Variants in SMC6 observed in about 807,000 individuals in gnomAD.
SMC6 encodes the protein structural maintenance of chromosomes protein 6.
In SMC6, 79 loss-of-function variants were observed where a neutral mutation model predicts 142.2. The observed-to-expected ratio is 0.56, with a 90% confidence interval of 0.46 to 0.67. SMC6 has a LOEUF of 0.67. Ranked by LOEUF, SMC6 falls within the 30% of genes least tolerant of loss-of-function variation. SMC6 has a pLI of 0.00. For missense variants in SMC6, 1,072 were observed against 1,284.0 expected, an observed-to-expected ratio of 0.83 and a Z score of 2.52; for synonymous variants, 411 against 412.4, an observed-to-expected ratio of 1.00 and a Z score of 0.04.
At chr2:17,704,773 A>C (rs1405160420) in intron 18 of SMC6, among the ~76,000 whole-genome samples, 3 of 152,108 alleles carry the variant, frequency 2.0e-5, no homozygotes, top group Non-Finnish European at 4.4e-5. Flanking sequence ...TTTAAATTAC[A>C]AAAAAAGGCT....
At chr2:17,748,307 T>A (rs1670856924) in intron 2 of SMC6, among the ~76,000 whole-genome samples, 1 of 152,190 alleles carries the variant, frequency 6.6e-6, no homozygotes, top group Non-Finnish European at 1.5e-5. Context: ...CACATGCACA[T>A]TAGAGTTGAA....
At chr2:17,707,997 T>TACAC (rs10540609) in intron 17 of SMC6, among the ~76,000 whole-genome samples, 41 of 148,612 alleles carry the variant, frequency 2.8e-4, no homozygotes, top group East Asian at 1.2e-3. Flanking sequence ...TGTATATATA[T>TACAC]ACACACACAC....
intron 16 of SMC6, among the ~76,000 whole-genome samples, chr2:17,714,302 C>A (rs1284100310): frequency 6.6e-6 from 1 of 151,954 alleles, no homozygotes; most frequent in East Asian, 1.9e-4. Flanking sequence ...CCAAGTTGCC[C>A]AGGCTCGTCT....
intron 23 of SMC6, among the ~76,000 whole-genome samples, chr2:17,692,237 C>T (rs957849772): frequency 3.9e-5 from 6 of 152,042 alleles, no homozygotes; most frequent in African/African-American, 1.2e-4. Context: ...AAAAAGAGCC[C>T]GCGTTGCCAA....
At chr2:17,684,631 T>C (rs913350767) in intron 23 of SMC6, among the ~76,000 whole-genome samples, 3 of 152,010 alleles carry the variant, frequency 2.0e-5, no homozygotes, top group Non-Finnish European at 4.4e-5. Context: ...AGAGACCAGC[T>C]TGGACAATAT....
At chr2:17,737,631 C>A (rs1670221443) in intron 5 of SMC6, among the ~76,000 whole-genome samples, 1 of 152,004 alleles carries the variant, frequency 6.6e-6, no homozygotes. Context: ...AAATGTAAAG[C>A]CAAAGAGAGT....
chr2:17,666,587 G>A, intron 26 of SMC6, 70 bp from the exon 27 acceptor site: 1 of 1,127,170 alleles, frequency 8.9e-7, no homozygotes, highest in Non-Finnish European at 1.3e-6. Context: ...AGCATTCTGT[G>A]GGCTGATACA....
intron 7 of SMC6, among the ~76,000 whole-genome samples, chr2:17,730,751 C>T (rs186959365): frequency 0.013 from 1,924 of 151,532 alleles, 22 homozygotes; most frequent in East Asian, 0.032. Flanking sequence ...TACAGGCGCC[C>T]GCCACCACAC....
Position 17,665,485 on chromosome 2 carries a change from T to A in SMC6, c.*14A>T, listed in dbSNP as rs1053934979. The A allele has an allele frequency of 5.1e-6, 8 of 1,579,088 alleles. No homozygotes were observed. In the African/African-American group the frequency reaches 9.4e-5, roughly 19 times the overall value. On this transcript the variant is annotated 3_prime_UTR_variant, in exon 28 of 28. Transcript: ENST00000448223. ...AATCCTTCAACATCAGGACAAGGCA[T>A]GTTAAGTTACAAATCACCTTTGGTC...
At chr2:17,738,069 G>A in intron 5 of SMC6, 152 bp downstream of exon 5, 1 of 592,170 alleles carries the variant, frequency 1.7e-6, no homozygotes, top group South Asian at 2.3e-5. Context: ...CCAGCAACAA[G>A]GGGTAAAAGA....
intron 3 of SMC6, among the ~76,000 whole-genome samples, chr2:17,744,976 C>T (rs955936852): frequency 7.2e-5 from 11 of 152,158 alleles, no homozygotes; most frequent in Non-Finnish European, 7.4e-5. Context: ...CTTTTCCTAT[C>T]TGCGGGTTCT....
chr2:17,747,692 T>C (rs1670824071), intron 2 of SMC6, among the ~76,000 whole-genome samples: 1 of 151,984 alleles, frequency 6.6e-6, no homozygotes, highest in African/African-American at 2.4e-5. Flanking sequence ...TTAGTAGACA[T>C]GGGGTTTTGC....
At chr2:17,751,374 G>A (rs762887427) in intron 2 of SMC6, among the ~76,000 whole-genome samples, 1 of 151,452 alleles carries the variant, frequency 6.6e-6, no homozygotes, top group Non-Finnish European at 1.5e-5. Context: ...CAGCTACTCC[G>A]GAGGCTGAGG....
At chr2:17,734,276 T>C (rs373674069) in intron 5 of SMC6, among the ~76,000 whole-genome samples, 23 of 152,342 alleles carry the variant, frequency 1.5e-4, no homozygotes, top group African/African-American at 5.5e-4. Context: ...TGAATATATA[T>C]CCCTGCATCT....
At position 17,670,463 on chromosome 2, in the gene SMC6, T is replaced by G. The variant is rs1666703035; in HGVS notation, c.3023A>C (p.Glu1008Ala). 6.2e-7 allele frequency: 1 copy of G among 1,613,670 alleles called. No individual in the cohort carries two copies. The change falls in exon 26 of 28, where the codon GAA (glutamate) becomes GCA (alanine). Residue 1008 changes from glutamate (E) to alanine (A), a missense_variant. Glu to Ala is a moderately radical substitution (Grantham distance 107). Coordinates refer to ENST00000448223, the MANE Select transcript of SMC6 (RefSeq NM_001142286.2). The part of the protein sequence containing the change: ...CFILSLWSIA[E>A]SPFRCLDEFD... ...TTCATCCAGGCATCTGAAAGGAGAT[T>G]CTGCGATGGACCACAGGGAAAGAAT...
chr2:17,684,514 G>A (rs1667362393), intron 23 of SMC6, among the ~76,000 whole-genome samples: 1 of 152,098 alleles, frequency 6.6e-6, no homozygotes, highest in Admixed American at 6.6e-5. Context: ...AATTATAATT[G>A]AACACCATAA....
chr2:17,703,237 G>T lies in SMC6; in HGVS notation c.2062C>A (p.His688Asn), dbSNP rs1199610164. The T allele has an allele frequency of 1.2e-6, 2 of 1,605,788 alleles. No individual in the cohort carries two copies. Among genetic ancestry groups the T allele is most frequent in the African/African-American group, 2.7e-5 (2 of 74,442 alleles). The change falls in exon 19 of 28, where the codon CAT becomes AAT. Residue 688 changes from histidine to asparagine, a missense_variant. By Grantham distance (68) the His-to-Asn change is moderately conservative (BLOSUM62 1). Coordinates refer to ENST00000448223, the MANE Select transcript of SMC6 (RefSeq NM_001142286.2). ...ATATCTTTTTCAAGGGCAGATAAAT[G>T]TTGCTGAAGATTTAATATCTGGGCC... ...KTAQILNLQQ[H>N]LSALEKDIKH... is the part of the protein sequence containing the mutation.
intron 25 of SMC6, 141 bp downstream of exon 25, chr2:17,678,718 G>C: frequency 1.7e-6 from 1 of 593,056 alleles, no homozygotes; most frequent in South Asian, 2.6e-5. Flanking sequence ...CAAGGTTACA[G>C]TGAGCTATGA....
At chr2:17,746,933 T>TA (rs1670780633) in intron 2 of SMC6, among the ~76,000 whole-genome samples, 1 of 152,128 alleles carries the variant, frequency 6.6e-6, no homozygotes, top group Admixed American at 6.5e-5. Context: ...CCCCAAATAT[T>TA]AGACCACAGC....
Sources: allele counts gnomAD v4.1 joint callset (sites outside exome capture counted in the v4.1 genomes callset), GRCh38; gene constraint gnomAD v4.1.1; transcripts MANE v1.5; gene names NCBI Gene and HGNC (gene_info 2026-07-23, HGNC 2026-07-21).